Variants in LINGO2 observed in about 807,000 individuals in gnomAD.
The protein encoded by LINGO2 is leucine-rich repeat and immunoglobulin-like domain-containing nogo receptor-interacting protein 2.
A neutral mutation model predicts 30.6 loss-of-function variants in LINGO2; 14 were observed. The ratio of observed to expected loss-of-function variants is 0.46; its 90% CI spans 0.30 to 0.72. LINGO2 has a LOEUF of 0.72. LINGO2 is among the 30% of genes least tolerant of loss of function. LINGO2 has a pLI of 0.07. For missense variants in LINGO2, 729 were observed against 751.7 expected (o/e 0.97, Z 0.35); for synonymous variants, 317 against 288.5 (o/e 1.10, Z -1.00).
At chr9:29,203,479 G>A in the LINGO2 span, among the ~76,000 whole-genome samples, 34 of 152,260 alleles carry the variant, frequency 2.2e-4, no homozygotes, top group African/African-American at 8.2e-4. Flanking sequence ...CATGCTTTAT[G>A]ACCCATGTAT....
chr9:28,125,735 A>G (rs1186108843), intron 4 of LINGO2, among the ~76,000 whole-genome samples: 1 of 152,228 alleles, frequency 6.6e-6, no homozygotes, highest in African/African-American at 2.4e-5. Flanking sequence ...TGTGGGAGCC[A>G]AAGGGTGAGC....
the LINGO2 span, among the ~76,000 whole-genome samples, chr9:28,736,184 A>T: frequency 3.9e-5 from 6 of 152,118 alleles, no homozygotes; most frequent in Admixed American, 6.6e-5. Context: ...ACACAGTGCA[A>T]ATTTGTGTTA....
chr9:28,456,966 C>T (rs1305722593), intron 2 of LINGO2, among the ~76,000 whole-genome samples: 1 of 152,118 alleles, frequency 6.6e-6, no homozygotes, highest in Non-Finnish European at 1.5e-5. Flanking sequence ...TTTGGAGAGC[C>T]TCCAGAACTT....
chr9:27,998,845 A>G (rs886531604), intron 5 of LINGO2, among the ~76,000 whole-genome samples: 1 of 152,156 alleles, frequency 6.6e-6, no homozygotes, highest in Non-Finnish European at 1.5e-5. Flanking sequence ...GCTGAGATCC[A>G]TAACTGCCAC....
chr9:28,273,026 T>C (rs1167538526), intron 4 of LINGO2, among the ~76,000 whole-genome samples: 1 of 152,174 alleles, frequency 6.6e-6, no homozygotes, highest in African/African-American at 2.4e-5. Flanking sequence ...ACCTTATGTA[T>C]TTTTTAGTTC....
chr9:28,768,816 C>T, the LINGO2 span, among the ~76,000 whole-genome samples: 1 of 152,020 alleles, frequency 6.6e-6, no homozygotes, highest in African/African-American at 2.4e-5. Flanking sequence ...AATCTTGATT[C>T]CCATAAGCAC....
chr9:28,382,223 T>A (rs1186559204), intron 2 of LINGO2, among the ~76,000 whole-genome samples: 1 of 152,176 alleles, frequency 6.6e-6, no homozygotes, highest in Non-Finnish European at 1.5e-5. Flanking sequence ...ATACTCTTTG[T>A]GATTATTAAG....
At chr9:28,246,184 A>G (rs2133992544) in intron 4 of LINGO2, among the ~76,000 whole-genome samples, 1 of 152,138 alleles carries the variant, frequency 6.6e-6, no homozygotes, top group South Asian at 2.1e-4. Context: ...CCAGCACTTT[A>G]GAATGCTGAG....
the LINGO2 span, among the ~76,000 whole-genome samples, chr9:28,703,557 A>T: frequency 3.3e-5 from 5 of 151,908 alleles, no homozygotes; most frequent in Non-Finnish European, 5.9e-5. Flanking sequence ...CTTGAAAAAA[A>T]CGTGTATTTC....
At chr9:27,968,434 T>C (rs1389355624) in intron 5 of LINGO2, among the ~76,000 whole-genome samples, 1 of 151,998 alleles carries the variant, frequency 6.6e-6, no homozygotes, top group African/African-American at 2.4e-5. Context: ...ATAAAAAAGA[T>C]ATTAAGTGAA....
chr9:28,499,124 G>A (rs1819783504), intron 1 of LINGO2, among the ~76,000 whole-genome samples: 1 of 152,092 alleles, frequency 6.6e-6, no homozygotes, highest in Non-Finnish European at 1.5e-5. Context: ...TGTTATAACT[G>A]CTATAAAGTT....
At chr9:29,065,964 C>A in the LINGO2 span, among the ~76,000 whole-genome samples, 6 of 151,670 alleles carry the variant, frequency 4.0e-5, no homozygotes, top group Non-Finnish European at 8.8e-5. Context: ...AGAAAAACAA[C>A]AAAATATTTA....
At chr9:28,720,869 A>G in the LINGO2 span, among the ~76,000 whole-genome samples, 1 of 151,984 alleles carries the variant, frequency 6.6e-6, no homozygotes, top group Admixed American at 6.6e-5. Context: ...CATTTTATGA[A>G]GAATGTGGCT....
chr9:29,044,318 C>T, the LINGO2 span, among the ~76,000 whole-genome samples: 5 of 151,870 alleles, frequency 3.3e-5, no homozygotes, highest in Non-Finnish European at 7.4e-5. Context: ...AAAATGACTC[C>T]TCCTTTGTTC....
chr9:28,807,845 G>A, the LINGO2 span, among the ~76,000 whole-genome samples: 1 of 151,728 alleles, frequency 6.6e-6, no homozygotes, highest in Non-Finnish European at 1.5e-5. Context: ...GCCTTTTGTG[G>A]GTCAGAATAG....
At chr9:28,390,557 T>C (rs985157481) in intron 2 of LINGO2, among the ~76,000 whole-genome samples, 2 of 147,480 alleles carry the variant, frequency 1.4e-5, no homozygotes, top group Admixed American at 1.4e-4. Context: ...TAGGTTTTCT[T>C]TGAATGATAC....
At position 28,362,938 on chromosome 9, in the gene LINGO2, G is replaced by T. The variant is rs111719362; in HGVS notation, c.-246+9898C>A. On this transcript the variant is annotated intron_variant, in intron 3 of 5. Transcript: ENST00000379992. ...TGTCTGTCGCATTTTTATTTTCTGA[G>T]TAAGAACTTAAGGGAACTGCTTATA... 4.2e-3 allele frequency among the ~76,000 whole-genome samples: 633 copies of T among 152,282 alleles called. 4 individuals are homozygous for T. The highest frequency in any genetic ancestry group is 0.014 in the African/African-American group (599 of 41,560).
the LINGO2 span, among the ~76,000 whole-genome samples, chr9:28,963,330 G>T: frequency 6.6e-6 from 1 of 151,802 alleles, no homozygotes; most frequent in African/African-American, 2.4e-5. Flanking sequence ...CACAGCTCAA[G>T]ACTAGTACAT....
At chr9:28,099,897 G>A (rs1826359923) in intron 4 of LINGO2, among the ~76,000 whole-genome samples, 1 of 152,078 alleles carries the variant, frequency 6.6e-6, no homozygotes, top group Admixed American at 6.6e-5. Context: ...CCCTCTGTCT[G>A]AATGTTCTTT....
Sources: allele counts gnomAD v4.1 joint callset (sites outside exome capture counted in the v4.1 genomes callset), GRCh38; gene constraint gnomAD v4.1.1; transcripts MANE v1.5; gene names NCBI Gene and HGNC (gene_info 2026-07-23, HGNC 2026-07-21).